The following ASCC1 variants were observed in gnomAD, a reference collection of about 807,000 sequenced individuals.
ASCC1 encodes ASC-1 complex subunit P50.
In ASCC1, 35 loss-of-function variants were observed where a neutral mutation model predicts 46.6. That is an observed-to-expected ratio of 0.75 (90% CI 0.57 to 0.99). ASCC1 has a LOEUF of 0.99. Among genes scored for constraint, ASCC1 ranks in the 50% least tolerant of loss-of-function variants. ASCC1 has a pLI of 0.00. For synonymous variants in ASCC1, 143 were observed against 146.6 expected, an observed-to-expected ratio of 0.98 and a Z score of 0.18; for missense variants, 376 against 428.7, an observed-to-expected ratio of 0.88 and a Z score of 1.09.
chr10:72,126,333 C>T (rs1191106305), intron 9 of ASCC1, among the ~76,000 whole-genome samples: 4 of 152,142 alleles, frequency 2.6e-5, no homozygotes, highest in African/African-American at 9.7e-5. Flanking sequence ...AGTGATTGGG[C>T]TTGAATTAAT....
intron 5 of ASCC1, among the ~76,000 whole-genome samples, chr10:72,179,408 C>A (rs985871924): frequency 1.3e-5 from 2 of 152,204 alleles, no homozygotes; most frequent in African/African-American, 4.8e-5. Flanking sequence ...AGTTGGTTAG[C>A]AGTTGGTCAG....
chr10:72,126,144 G>C (rs1382506876), intron 9 of ASCC1, among the ~76,000 whole-genome samples: 1 of 152,140 alleles, frequency 6.6e-6, no homozygotes, highest in Non-Finnish European at 1.5e-5. Context: ...CTTTACGGGA[G>C]GCAGCAGAAA....
chr10:72,174,454 CCATGAGA>C (rs1851619877), intron 5 of ASCC1, among the ~76,000 whole-genome samples: 1 of 152,138 alleles, frequency 6.6e-6, no homozygotes, highest in Admixed American at 6.6e-5. Flanking sequence ...ACCATCCTTT[CCATGAGA>C]TGGGATACAA....
intron 9 of ASCC1, among the ~76,000 whole-genome samples, chr10:72,118,366 CAA>C (rs113494072): frequency 1.5e-4 from 12 of 78,650 alleles, no homozygotes; most frequent in Non-Finnish European, 7.8e-5. Flanking sequence ...GACTCCATCT[CAA>C]AAAAAAAAAA....
chr10:72,128,043 G>A, intron 9 of ASCC1, 39 bp downstream of exon 9: 3 of 1,481,598 alleles, frequency 2.0e-6, no homozygotes, highest in Non-Finnish European at 2.8e-6. Flanking sequence ...TTTAGGACAT[G>A]TGCCAAAGGA....
At position 72,144,712 on chromosome 10, in the gene ASCC1, T is replaced by G. The variant is rs557515544; in HGVS notation, c.746+8157A>C. On this transcript the variant is annotated intron_variant, in intron 7 of 9. Transcript: ENST00000672957. ...AATATCTTAATATCCTGCCTCTCCC[T>G]TGAAATTAAAAAAAACACTCTAGAA... Among the ~76,000 whole-genome samples the G allele has an allele frequency of 2.6e-5, 4 of 152,282 alleles. No homozygotes were observed. The East Asian group carries it at 7.7e-4, about 29-fold the overall frequency.
intron 6 of ASCC1, among the ~76,000 whole-genome samples, chr10:72,154,793 A>G (rs1848758165): frequency 6.6e-6 from 1 of 152,162 alleles, no homozygotes; most frequent in African/African-American, 2.4e-5. Flanking sequence ...CACTTGGCCT[A>G]TGCATAGGGT....
intron 5 of ASCC1, among the ~76,000 whole-genome samples, chr10:72,168,993 G>C (rs1346406234): frequency 1.3e-5 from 2 of 152,308 alleles, no homozygotes; most frequent in Admixed American, 6.5e-5. Context: ...AATTTATCCT[G>C]AAGATACATC....
At chr10:72,217,054 T>G (rs529991992), upstream of ASCC1, 44 of 454,196 alleles carry the variant, frequency 9.7e-5, no homozygotes, top group African/African-American at 7.4e-4. Flanking sequence ...TGTTCATCAT[T>G]CATTCATCCG....
intron 7 of ASCC1, among the ~76,000 whole-genome samples, chr10:72,143,196 T>C (rs1225629782): frequency 6.6e-6 from 1 of 151,962 alleles, no homozygotes; most frequent in Non-Finnish European, 1.5e-5. Context: ...ATTAAATGTG[T>C]TATTAAATGT....
intron 5 of ASCC1, among the ~76,000 whole-genome samples, chr10:72,178,660 C>A (rs1852167649): frequency 6.6e-6 from 1 of 152,132 alleles, no homozygotes; most frequent in Non-Finnish European, 1.5e-5. Flanking sequence ...ACAACCCAGT[C>A]CAGCCCACTG....
intron 6 of ASCC1, among the ~76,000 whole-genome samples, chr10:72,153,427 G>C (rs1848592586): frequency 6.7e-6 from 1 of 148,976 alleles, no homozygotes; most frequent in Non-Finnish European, 1.5e-5. Context: ...TTTTTTGTTT[G>C]TTTGTTTTGT....
At chr10:72,140,879 T>C (rs1487457325) in intron 7 of ASCC1, among the ~76,000 whole-genome samples, 1 of 152,176 alleles carries the variant, frequency 6.6e-6, no homozygotes, top group Non-Finnish European at 1.5e-5. Context: ...GAGTAGACTA[T>C]ATCCACTTAT....
intron 9 of ASCC1, among the ~76,000 whole-genome samples, chr10:72,115,970 T>G (rs1843447795): frequency 6.6e-6 from 1 of 152,178 alleles, no homozygotes; most frequent in African/African-American, 2.4e-5. Flanking sequence ...ATGGCCCAAT[T>G]TATGTGGTAA....
intron 9 of ASCC1, among the ~76,000 whole-genome samples, chr10:72,127,564 T>TA (rs1195224082): frequency 3.3e-5 from 5 of 150,782 alleles, no homozygotes; most frequent in African/African-American, 7.3e-5. Flanking sequence ...ATTTTCCACT[T>TA]AAAAAAAATG....
chr10:72,162,405 T>G (rs1189559591), intron 5 of ASCC1, among the ~76,000 whole-genome samples: 1 of 151,942 alleles, frequency 6.6e-6, no homozygotes, highest in Non-Finnish European at 1.5e-5. Context: ...TCTCCTGACC[T>G]CATGATCCGC....
chr10:72,213,198 T>C lies in ASCC1; in HGVS notation c.101A>G (p.Asp34Gly), dbSNP rs1564775235. The change falls in exon 2 of 10, where the codon GAC becomes GGC. Residue 34 changes from aspartate to glycine, a missense_variant. By Grantham distance (94) the Asp-to-Gly change is moderately conservative. Transcript: ENST00000672957. ...GCAACTAGGATTACCTTGATAGAAG[T>C]CCTCTTCATCTTCTTCATGTTGATA... ...QTYQHEEDEE[D>G]FYQGSMECAD... 1 of 1,609,284 alleles carries C rather than the reference T, an allele frequency of 6.2e-7. No individual in the cohort carries two copies. Among genetic ancestry groups the C allele is most frequent in the East Asian group, 2.2e-5 (1 of 44,796 alleles).
At chr10:72,203,930 C>T (rs1312138974) in intron 3 of ASCC1, among the ~76,000 whole-genome samples, 1 of 152,118 alleles carries the variant, frequency 6.6e-6, no homozygotes, top group South Asian at 2.1e-4. Context: ...CCAGCCTGGG[C>T]AACAGAGTAA....
At chr10:72,182,632 A>G (rs1473362781) in intron 5 of ASCC1, among the ~76,000 whole-genome samples, 1 of 152,202 alleles carries the variant, frequency 6.6e-6, no homozygotes, top group Non-Finnish European at 1.5e-5. Flanking sequence ...TCAATAATAT[A>G]AAATTCAGAA....
Sources: allele counts gnomAD v4.1 joint callset (sites outside exome capture counted in the v4.1 genomes callset), GRCh38; gene constraint gnomAD v4.1.1; transcripts MANE v1.5; gene names NCBI Gene and HGNC (gene_info 2026-07-23, HGNC 2026-07-21).